NHSL2: variants seen among roughly 807,000 people sequenced by gnomAD.
NHSL2 encodes the protein NHS-like protein 2.
In NHSL2, 27 loss-of-function variants were observed where a neutral mutation model predicts 53.4. The observed-to-expected ratio is 0.51, with a 90% CI of 0.37 to 0.70. The LOEUF is 0.70. NHSL2 is among the 30% of genes least tolerant of loss of function. The pLI is 0.00. For synonymous variants in NHSL2, 408 were observed against 404.1 expected, an observed-to-expected ratio of 1.01 and a Z score of -0.12; for missense variants, 892 against 980.1, an observed-to-expected ratio of 0.91 and a Z score of 1.20.
intron 1 of NHSL2, among the ~76,000 whole-genome samples, chrX:72,107,896 G>GAA: frequency 8.9e-6 from 1 of 112,054 alleles, no homozygotes; most frequent in African/African-American, 3.2e-5. Flanking sequence ...CTGAGGAACT[G>GAA]GCATTTTATC....
At chrX:71,940,315 A>C (rs183554321) in intron 1 of NHSL2, among the ~76,000 whole-genome samples, 2 of 112,419 alleles carry the variant, frequency 1.8e-5, no homozygotes, top group East Asian at 5.6e-4. Context: ...AGTTTCGTGG[A>C]GTGGTAGAAC....
Position 72,132,170 on chromosome X carries a change from C to T in NHSL2, c.372C>T (p.Gly124=). Residue 124 remains glycine (G), a synonymous_variant, in exon 2 of 8, where the codon GGC becomes GGT. Coordinates refer to ENST00000633930, the MANE Select transcript of NHSL2 (RefSeq NM_001013627.3). ...CAGTGAACGTGTTCCTCTCCTCGGG[C>T]AGGCCCCCGAGTGTAGAGGAGCTGC... is the stretch of plus-strand genomic sequence containing the variant. The part of the protein sequence containing the change: ...RQPVNVFLSS[G]RPPSVEELLR... 8.6e-7 allele frequency: 1 copy of T among 1,166,274 alleles called. No homozygotes were observed. The highest frequency in any genetic ancestry group is 1.1e-6 in the Non-Finnish European group (1 of 871,899).
At chrX:71,929,604 A>G (rs923976244) in intron 1 of NHSL2, among the ~76,000 whole-genome samples, 2 of 112,528 alleles carry the variant, frequency 1.8e-5, no homozygotes, top group South Asian at 7.4e-4. Flanking sequence ...CTGACCCAGC[A>G]TGGGATCTTA....
At chrX:72,069,417 AAGAG>A (rs765436963) in intron 1 of NHSL2, among the ~76,000 whole-genome samples, 19 of 105,788 alleles carry the variant, frequency 1.8e-4, no homozygotes, top group African/African-American at 4.5e-4. Flanking sequence ...GAGAGGGAGG[AAGAG>A]AGAGAGAGAG....
chrX:72,024,534 T>TCTGGGATGTA (rs2042175767), intron 1 of NHSL2, among the ~76,000 whole-genome samples: 1 of 112,475 alleles, frequency 8.9e-6, no homozygotes, highest in South Asian at 3.7e-4. Context: ...ACTCATTTCA[T>TCTGGGATGTA]CCTCACAGGT....
intron 1 of NHSL2, chrX:72,130,110 C>A (rs201171574): frequency 8.3e-7 from 1 of 1,208,594 alleles, no homozygotes; most frequent in African/African-American, 1.8e-5. Context: ...TCTGGGATGA[C>A]GCGTGAACAA....
intron 6 of NHSL2, among the ~76,000 whole-genome samples, chrX:72,141,870 G>A: frequency 8.9e-6 from 1 of 111,933 alleles, no homozygotes; most frequent in Non-Finnish European, 1.9e-5. Flanking sequence ...TCCCCTCTGA[G>A]ATTCAAATAG....
In NHSL2 at chrX:72,143,716, G is replaced by T; in HGVS notation, c.*142G>T. ...TCACACTCTGGACAGCAGGAGAGAG[G>T]CTACTTCATCTAGAGCTAAAATCAT... is the stretch of plus-strand genomic sequence containing the variant. On this transcript the variant is annotated 3_prime_UTR_variant, in exon 8 of 8. Coordinates refer to ENST00000633930, the MANE Select transcript of NHSL2 (RefSeq NM_001013627.3). 2.4e-6 allele frequency: 1 copy of T among 423,266 alleles called. No homozygotes were observed. The highest frequency in any genetic ancestry group is 4.1e-6 in the Non-Finnish European group (1 of 243,908). 34.9% of individuals were successfully genotyped at this position (423,266 alleles called of 1,213,427 possible).
intron 1 of NHSL2, among the ~76,000 whole-genome samples, chrX:71,937,046 G>A (rs2041742209): frequency 8.9e-6 from 1 of 111,989 alleles, no homozygotes; most frequent in South Asian, 3.7e-4. Flanking sequence ...CACATAGCAA[G>A]TAAATTGTGT....
intron 1 of NHSL2, among the ~76,000 whole-genome samples, chrX:72,048,780 C>T (rs1416141070): frequency 1.8e-5 from 2 of 109,484 alleles, no homozygotes; most frequent in East Asian, 5.7e-4. Flanking sequence ...GCCTCCCTGT[C>T]TGAAGCAGTC....
chrX:71,996,999 T>G (rs1213368378), intron 1 of NHSL2, among the ~76,000 whole-genome samples: 1 of 112,576 alleles, frequency 8.9e-6, no homozygotes, highest in East Asian at 2.8e-4. Flanking sequence ...GTGTGCGAGT[T>G]ACTCCATGTG....
chrX:72,114,062 A>G (rs2042115703), intron 1 of NHSL2, among the ~76,000 whole-genome samples: 1 of 112,269 alleles, frequency 8.9e-6, no homozygotes, highest in Admixed American at 9.4e-5. Flanking sequence ...AAACCACAAA[A>G]CAATGTTTAC....
chrX:71,986,700 T>C (rs1042583050), intron 1 of NHSL2, among the ~76,000 whole-genome samples: 4 of 112,234 alleles, frequency 3.6e-5, no homozygotes, highest in Non-Finnish European at 5.6e-5. Flanking sequence ...CTTATAACTC[T>C]TTATAATTTT....
intron 5 of NHSL2, 41 bp downstream of exon 5, chrX:72,137,266 C>G (rs1198671837): frequency 2.7e-6 from 3 of 1,102,007 alleles, no homozygotes; most frequent in Admixed American, 2.7e-5. Flanking sequence ...CTTCCCCTTA[C>G]CCACTCCTGC....
At chrX:71,940,565 G>A (rs752164426) in intron 1 of NHSL2, among the ~76,000 whole-genome samples, 4 of 111,551 alleles carry the variant, frequency 3.6e-5, no homozygotes, top group Admixed American at 9.5e-5. Context: ...GAGATGGTGG[G>A]AGGAGATGGA....
chrX:71,920,694 T>C (rs1364549473), intron 1 of NHSL2, among the ~76,000 whole-genome samples: 10 of 112,238 alleles, frequency 8.9e-5, no homozygotes, highest in Admixed American at 7.5e-4. Context: ...TTGTGGATAA[T>C]GAGCATGAAC....
chrX:72,089,894 G>C (rs2041881945), intron 1 of NHSL2, among the ~76,000 whole-genome samples: 1 of 111,432 alleles, frequency 9.0e-6, no homozygotes, highest in South Asian at 3.7e-4. Flanking sequence ...AAGTATTTAG[G>C]GTAAAAAATG....
At chrX:72,010,985 T>G (rs150731978) in intron 1 of NHSL2, among the ~76,000 whole-genome samples, 4 of 112,442 alleles carry the variant, frequency 3.6e-5, no homozygotes, top group African/African-American at 1.3e-4. Flanking sequence ...ATTTCTAAAA[T>G]ACAGTTGTTT....
At chrX:72,125,549 A>G (rs1470859448) in intron 1 of NHSL2, among the ~76,000 whole-genome samples, 1 of 111,831 alleles carries the variant, frequency 8.9e-6, no homozygotes, top group Non-Finnish European at 1.9e-5. Context: ...GCTGGACTGG[A>G]ATCCAGGGTT....
Sources: allele counts gnomAD v4.1 joint callset (sites outside exome capture counted in the v4.1 genomes callset), GRCh38; gene constraint gnomAD v4.1.1; transcripts MANE v1.5; gene names NCBI Gene and HGNC (gene_info 2026-07-23, HGNC 2026-07-21).